The following FTO variants were observed in gnomAD, a reference collection of about 807,000 sequenced individuals.
FTO encodes the protein FTO alpha-ketoglutarate dependent dioxygenase, also known as alpha-ketoglutarate-dependent dioxygenase FTO.
FTO carries 47 observed loss-of-function variants against 63.9 expected under a neutral mutation model. The ratio of observed to expected loss-of-function variants is 0.74; its 90% CI spans 0.58 to 0.94. The LOEUF (loss-of-function observed/expected upper bound fraction) is 0.94. Ranked by LOEUF, FTO falls within the 40% of genes least tolerant of loss-of-function variation. FTO has a pLI of 0.00. For synonymous variants in FTO, 207 were observed against 224.4 expected, an observed-to-expected ratio of 0.92 and a Z score of 0.69; for missense variants, 562 against 618.1, an observed-to-expected ratio of 0.91 and a Z score of 0.96.
At chr16:53,705,073 A>G (rs910745383) in intron 1 of FTO, among the ~76,000 whole-genome samples, 1 of 151,472 alleles carries the variant, frequency 6.6e-6, no homozygotes, top group Non-Finnish European at 1.5e-5. Flanking sequence ...TCTTTTTAAT[A>G]GACTGTTGGA....
intron 8 of FTO, among the ~76,000 whole-genome samples, chr16:53,965,178 A>T (rs772936017): frequency 1.8e-4 from 28 of 152,092 alleles, no homozygotes; most frequent in Non-Finnish European, 2.8e-4. Flanking sequence ...GGTTCAAGCG[A>T]TTCTCCTGCC....
At chr16:53,815,549 T>C (rs758045465) in intron 2 of FTO, among the ~76,000 whole-genome samples, 6 of 152,006 alleles carry the variant, frequency 3.9e-5, no homozygotes, top group Non-Finnish European at 8.8e-5. Context: ...ACCTCCTTGT[T>C]TTATAAATTT....
chr16:53,989,724 G>A (rs977444500), intron 8 of FTO, among the ~76,000 whole-genome samples: 21 of 152,094 alleles, frequency 1.4e-4, no homozygotes, highest in African/African-American at 4.6e-4. Context: ...CCACTTATAC[G>A]TGGATCTTTC....
At chr16:54,030,737 T>A (rs2084809415) in intron 8 of FTO, among the ~76,000 whole-genome samples, 1 of 152,092 alleles carries the variant, frequency 6.6e-6, no homozygotes, top group African/African-American at 2.4e-5. Context: ...TACTATCTGT[T>A]AGGGAAGATT....
chr16:53,900,039 G>A (rs1482178411), intron 7 of FTO, among the ~76,000 whole-genome samples: 2 of 152,190 alleles, frequency 1.3e-5, no homozygotes, highest in East Asian at 3.9e-4. Flanking sequence ...TTGTAGGAGA[G>A]AAATCAGTTG....
intron 8 of FTO, among the ~76,000 whole-genome samples, chr16:53,987,670 C>T (rs1751791884): frequency 6.6e-6 from 1 of 151,998 alleles, no homozygotes; most frequent in Non-Finnish European, 1.5e-5. Context: ...TACACCCATC[C>T]TCCCATCATA....
At chr16:54,095,541 A>C (rs2086497472) in intron 8 of FTO, among the ~76,000 whole-genome samples, 1 of 151,952 alleles carries the variant, frequency 6.6e-6, no homozygotes, top group Admixed American at 6.5e-5. Context: ...GCAGGCAGAG[A>C]ATGTTAGCTT....
intron 8 of FTO, among the ~76,000 whole-genome samples, chr16:53,949,878 T>C (rs1389462303): frequency 1.3e-5 from 2 of 152,084 alleles, no homozygotes; most frequent in Non-Finnish European, 2.9e-5. Flanking sequence ...GCAAACTGTG[T>C]CTCTGGGTTG....
chr16:54,054,025 T>TC (rs2085372855), intron 8 of FTO, among the ~76,000 whole-genome samples: 2 of 152,144 alleles, frequency 1.3e-5, no homozygotes, highest in South Asian at 2.1e-4. Context: ...GTTTTTTTTT[T>TC]CCTTGAACAC....
intron 1 of FTO, among the ~76,000 whole-genome samples, chr16:53,745,617 T>C (rs1239187031): frequency 6.6e-6 from 1 of 152,042 alleles, no homozygotes; most frequent in African/African-American, 2.4e-5. Context: ...AACTAGAAAG[T>C]GTAGGGTGTA....
intron 1 of FTO, among the ~76,000 whole-genome samples, chr16:53,728,545 A>C (rs1163569697): frequency 1.3e-5 from 2 of 152,214 alleles, no homozygotes; most frequent in African/African-American, 4.8e-5. Context: ...GGCTATCATT[A>C]GGTATCTGGA....
intron 1 of FTO, among the ~76,000 whole-genome samples, chr16:53,793,469 A>G (rs927910491): frequency 6.6e-6 from 1 of 152,212 alleles, no homozygotes; most frequent in Admixed American, 6.5e-5. Flanking sequence ...ATTAAAAAAA[A>G]TTTCCCTTGG....
intron 1 of FTO, among the ~76,000 whole-genome samples, chr16:53,748,565 G>A (rs573613407): frequency 3.3e-5 from 5 of 151,660 alleles, no homozygotes; most frequent in African/African-American, 7.3e-5. Context: ...AGCAATTCTC[G>A]TGCCTCAGCC....
At chr16:53,993,245 G>A (rs1188602585) in intron 8 of FTO, 6 of 152,186 alleles carry the variant, frequency 3.9e-5, no homozygotes, top group East Asian at 1.9e-4. Context: ...ACTTTGGAAC[G>A]AAAGTAGAAA....
intron 8 of FTO, among the ~76,000 whole-genome samples, chr16:54,099,914 T>A (rs1220320898): frequency 6.6e-6 from 1 of 152,182 alleles, no homozygotes; most frequent in African/African-American, 2.4e-5. Context: ...TGGAGCTGAA[T>A]TGAATGTTAG....
At chr16:53,940,246 A>G (rs546927146) in intron 8 of FTO, among the ~76,000 whole-genome samples, 27 of 152,180 alleles carry the variant, frequency 1.8e-4, no homozygotes, top group Admixed American at 5.2e-4. Flanking sequence ...GGTGTCGAGC[A>G]TCTTTTCCTG....
At chr16:53,722,209 TACC>T (rs1567928885) in intron 1 of FTO, among the ~76,000 whole-genome samples, 4 of 152,222 alleles carry the variant, frequency 2.6e-5, no homozygotes, top group African/African-American at 9.6e-5. Flanking sequence ...TGGTGTATGG[TACC>T]GTATGTGGTT....
At chr16:54,054,164 GCGGCAA>G (rs2085375969) in intron 8 of FTO, among the ~76,000 whole-genome samples, 1 of 152,138 alleles carries the variant, frequency 6.6e-6, no homozygotes, top group Non-Finnish European at 1.5e-5. Context: ...GAATTCCTTA[GCGGCAA>G]CTCTGACAGC....
At chr16:54,020,386 G>A (rs1187489231) in intron 8 of FTO, among the ~76,000 whole-genome samples, 1 of 152,110 alleles carries the variant, frequency 6.6e-6, no homozygotes, top group Non-Finnish European at 1.5e-5. Flanking sequence ...CTTCCAGTAG[G>A]TTTTCTTGCT....
Sources: allele counts gnomAD v4.1 joint callset (sites outside exome capture counted in the v4.1 genomes callset), GRCh38; gene constraint gnomAD v4.1.1; transcripts MANE v1.5; gene names NCBI Gene and HGNC (gene_info 2026-07-23, HGNC 2026-07-21).